PTPRD: variants seen among roughly 807,000 people sequenced by gnomAD.
PTPRD encodes receptor-type tyrosine-protein phosphatase delta.
PTPRD carries 34 observed loss-of-function variants against 214.5 expected under a neutral mutation model. That is an observed-to-expected ratio of 0.16 (90% confidence interval 0.12 to 0.21). The LOEUF (loss-of-function observed/expected upper bound fraction) is 0.21. PTPRD is among the 10% of genes least tolerant of loss of function. PTPRD has a pLI of 1.00. For missense variants in PTPRD, 2,545 were observed against 2,398.7 expected (o/e 1.06, Z -1.27); for synonymous variants, 1,128 against 845.7 (o/e 1.33, Z -5.79).
intron 2 of PTPRD, among the ~76,000 whole-genome samples, chr9:10,364,730 C>A (rs745637735): frequency 1.8e-4 from 28 of 152,138 alleles, no homozygotes; most frequent in Non-Finnish European, 3.7e-4. Context: ...CATGGTCTTT[C>A]TTCTCCATCA....
At chr9:9,358,705 A>G (rs1317835557) in intron 9 of PTPRD, among the ~76,000 whole-genome samples, 1 of 151,370 alleles carries the variant, frequency 6.6e-6, no homozygotes, top group Non-Finnish European at 1.5e-5. Flanking sequence ...AGAGAATGGT[A>G]GAACTAAAAA....
At chr9:8,768,002 A>C (rs1232262297) in intron 11 of PTPRD, among the ~76,000 whole-genome samples, 4 of 152,242 alleles carry the variant, frequency 2.6e-5, no homozygotes, top group Admixed American at 2.6e-4. Flanking sequence ...TAATTAAAAA[A>C]GGTCAGAGGG....
At position 9,955,506 on chromosome 9, in the gene PTPRD, TTTTTG is replaced by T. The variant is rs1206298867; in HGVS notation, c.-471-16901_-471-16897del. The stretch of plus-strand genomic sequence containing the variant: ...ACTCTGGATATTTGGGTTTTCGTTT[TTTTTG>T]TTTTGTTTTGTTTTGTTTTTTTTTT... On this transcript the variant is annotated intron_variant, in intron 4 of 45. Transcript: ENST00000381196. 1.7e-3 allele frequency among the ~76,000 whole-genome samples: 255 copies of T among 149,828 alleles called. 1 individual carries two copies. Among genetic ancestry groups the T allele is most frequent in the South Asian group, 0.011 (51 of 4,678 alleles).
chr9:9,690,553 C>A (rs1022779479), intron 7 of PTPRD, among the ~76,000 whole-genome samples: 24 of 151,836 alleles, frequency 1.6e-4, no homozygotes, highest in African/African-American at 5.6e-4. Context: ...TTGCCCAGAG[C>A]AATATCCTAT....
At chr9:9,940,528 T>C (rs1247286659) in intron 4 of PTPRD, among the ~76,000 whole-genome samples, 1 of 152,208 alleles carries the variant, frequency 6.6e-6, no homozygotes, top group African/African-American at 2.4e-5. Flanking sequence ...TGTATAATTC[T>C]AGACCGATAA....
intron 10 of PTPRD, among the ~76,000 whole-genome samples, chr9:9,035,456 C>T (rs1203648324): frequency 6.6e-6 from 1 of 152,018 alleles, no homozygotes; most frequent in Non-Finnish European, 1.5e-5. Flanking sequence ...GAAGGTGCCC[C>T]CATCCTACAA....
chr9:10,250,684 C>A (rs1285025835), intron 3 of PTPRD, among the ~76,000 whole-genome samples: 1 of 151,930 alleles, frequency 6.6e-6, no homozygotes, highest in Non-Finnish European at 1.5e-5. Flanking sequence ...TTTATCACTT[C>A]AATTCTGGAA....
chr9:8,372,888 ACTT>A (rs1415903789), intron 39 of PTPRD, among the ~76,000 whole-genome samples: 1 of 151,830 alleles, frequency 6.6e-6, no homozygotes, highest in Non-Finnish European at 1.5e-5. Context: ...CTACTACCTG[ACTT>A]CTTTGAAACC....
intron 11 of PTPRD, among the ~76,000 whole-genome samples, chr9:8,980,018 A>T (rs1276026480): frequency 6.6e-6 from 1 of 152,158 alleles, no homozygotes; most frequent in Non-Finnish European, 1.5e-5. Context: ...ACACACACAC[A>T]CACATACACA....
intron 11 of PTPRD, among the ~76,000 whole-genome samples, chr9:8,743,520 A>T (rs2092378818): frequency 6.6e-6 from 1 of 152,160 alleles, no homozygotes; most frequent in African/African-American, 2.4e-5. Flanking sequence ...TGGAACGGTG[A>T]AAGGCTGTCA....
At chr9:8,698,327 G>C (rs987170015) in intron 12 of PTPRD, among the ~76,000 whole-genome samples, 3 of 152,186 alleles carry the variant, frequency 2.0e-5, no homozygotes, top group African/African-American at 7.2e-5. Flanking sequence ...TGAAAATCAA[G>C]AATCAAGGAC....
intron 11 of PTPRD, among the ~76,000 whole-genome samples, chr9:8,863,977 AAGAAGTCACC>A (rs2098151354): frequency 6.6e-6 from 1 of 152,220 alleles, no homozygotes; most frequent in Non-Finnish European, 1.5e-5. Context: ...GAAAAAGATT[AAGAAGTCACC>A]AGAAAGCTAG....
intron 14 of PTPRD, among the ~76,000 whole-genome samples, chr9:8,566,287 C>G (rs776848038): frequency 6.6e-6 from 1 of 151,998 alleles, no homozygotes; most frequent in Non-Finnish European, 1.5e-5. Flanking sequence ...AAGAAAGCCA[C>G]CCAAAGAATT....
chr9:9,724,378 A>G (rs1238981506), intron 7 of PTPRD, among the ~76,000 whole-genome samples: 3 of 152,186 alleles, frequency 2.0e-5, no homozygotes, highest in Non-Finnish European at 2.9e-5. Context: ...CTCAATAAAC[A>G]TAGTGTTCAA....
chr9:9,067,496 G>A (rs917733416), intron 10 of PTPRD, among the ~76,000 whole-genome samples: 23 of 152,230 alleles, frequency 1.5e-4, no homozygotes, highest in African/African-American at 5.5e-4. Context: ...CTATTCAAGT[G>A]TACCTCTTCC....
At chr9:8,481,159 A>T (rs973898084) in intron 30 of PTPRD, among the ~76,000 whole-genome samples, 15 of 151,380 alleles carry the variant, frequency 9.9e-5, no homozygotes, top group Admixed American at 3.3e-4. Flanking sequence ...AAAAAAAAAA[A>T]AAAAAAATAA....
Position 8,446,000 on chromosome 9 carries a change from T to A in PTPRD, c.3988+3725A>T, listed in dbSNP as rs370139858. Among the ~76,000 whole-genome samples the A allele has an allele frequency of 3.9e-5, 6 of 152,270 alleles. No individual in the cohort carries two copies. The South Asian group carries it at 1.0e-3, about 26-fold the overall frequency. The stretch of plus-strand genomic sequence containing the variant: ...TCCAAGCTACTTCTTTGGAAGGCTC[T>A]CAGCAGTGTCAGAGAGTGACTTGAT... On this transcript the variant is annotated intron_variant, in intron 34 of 45. Transcript: ENST00000381196.
At chr9:9,727,730 C>T (rs1036345117) in intron 7 of PTPRD, among the ~76,000 whole-genome samples, 6 of 151,994 alleles carry the variant, frequency 3.9e-5, no homozygotes, top group Admixed American at 2.0e-4. Flanking sequence ...TGAAACTTGC[C>T]GTCTTGTGAA....
intron 11 of PTPRD, among the ~76,000 whole-genome samples, chr9:8,946,515 G>C (rs1466061902): frequency 2.0e-5 from 3 of 152,142 alleles, no homozygotes; most frequent in African/African-American, 7.2e-5. Flanking sequence ...TTATTAGTTA[G>C]CATACTCTTG....
Sources: gnomAD v4.1 joint callset for allele counts (sites outside exome capture counted in the v4.1 genomes callset) on GRCh38, gnomAD v4.1.1 for gene constraint, MANE v1.5 for transcripts, NCBI Gene and HGNC (gene_info 2026-07-23, HGNC 2026-07-21) for gene names.